The following VPS26A variants were observed in gnomAD, a reference collection of about 807,000 sequenced individuals.
VPS26A encodes VPS26 retromer complex component A.
A neutral mutation model predicts 42.4 loss-of-function variants in VPS26A; 22 were observed. The ratio of observed to expected loss-of-function variants is 0.52; its 90% confidence interval spans 0.37 to 0.74. The LOEUF is 0.74. Ranked by LOEUF, VPS26A falls within the 30% of genes least tolerant of loss-of-function variation. The probability of loss-of-function intolerance (pLI) is 0.00; values close to 1 mark genes in which losing one functional copy is unlikely to be tolerated. For missense variants in VPS26A, 276 were observed against 379.2 expected, an observed-to-expected ratio of 0.73 and a Z score of 2.26; for synonymous variants, 110 against 123.5, an observed-to-expected ratio of 0.89 and a Z score of 0.73.
chr10:69,173,956 T>C lies in VPS26A; in HGVS notation c.*2687T>C, dbSNP rs1841876007. 6.6e-6 allele frequency among the ~76,000 whole-genome samples: 1 copy of C among 152,136 alleles called. No individual in the cohort carries two copies. The highest frequency in any genetic ancestry group is 6.5e-5 in the Admixed American group (1 of 15,286). ...TTGCAGTGAGCCGAGATCACACCAA[T>C]GCACTCCAGCCTGGCTAGAAGTTTG... On this transcript the variant is annotated 3_prime_UTR_variant, in exon 9 of 9. Transcript: ENST00000263559.
chr10:69,152,662 T>C (rs957461936), intron 2 of VPS26A, among the ~76,000 whole-genome samples: 4 of 152,186 alleles, frequency 2.6e-5, no homozygotes, highest in African/African-American at 9.7e-5. Context: ...AAAGTTACAT[T>C]ACCAGCATTT....
intron 1 of VPS26A, among the ~76,000 whole-genome samples, chr10:69,131,272 G>A (rs1840772241): frequency 6.6e-6 from 1 of 152,126 alleles, no homozygotes; most frequent in Non-Finnish European, 1.5e-5. Context: ...GAGCCAGCGC[G>A]CCCAGCCAGA....
At chr10:69,133,579 T>C in intron 2 of VPS26A, 1 of 1,289,732 alleles carries the variant, frequency 7.8e-7, no homozygotes, top group South Asian at 1.2e-5. Flanking sequence ...CTATGCATGG[T>C]CAGATATGTT....
At chr10:69,159,816 C>A (rs1841513085) in intron 5 of VPS26A, among the ~76,000 whole-genome samples, 1 of 152,026 alleles carries the variant, frequency 6.6e-6, no homozygotes, top group South Asian at 2.1e-4. Context: ...ATACTTTGTT[C>A]AAATCAATAT....
At position 69,151,272 on chromosome 10, in the gene VPS26A, A is replaced by AAAAAAAAAACAAAAC. The variant is rs1554854493; in HGVS notation, c.154-4531_154-4530insCAAAACAAAAAAAAA. 2.3e-3 allele frequency among the ~76,000 whole-genome samples: 187 copies of AAAAAAAAAACAAAAC among 81,652 alleles called. 7 individuals carry two copies. The highest frequency in any genetic ancestry group is 0.013 in the Middle Eastern group (2 of 158). 53.6% of individuals were successfully genotyped at this position (81,652 alleles called of 152,430 possible). The stretch of plus-strand genomic sequence containing the variant: ...AGAGTGAGACTCCATGTCAAAAAAA[A>AAAAAAAAAACAAAAC]AAAAAAAAAAACACACACACACACA... On this transcript the variant is annotated intron_variant, in intron 2 of 8. Transcript: ENST00000263559.
rs34136399 is a variant in VPS26A at position 69,148,754 on chromosome 10, AT to A, written c.154-7039del. 6.6e-3 allele frequency among the ~76,000 whole-genome samples: 887 copies of A among 133,728 alleles called. 5 individuals are homozygous for A. The highest frequency in any genetic ancestry group is 0.012 in the African/African-American group (418 of 35,654). 87.7% of individuals were successfully genotyped at this position (133,728 alleles called of 152,430 possible). Reference sequence around the variant, plus strand: ...AGACTCATTTGTTGGAGCAGAGAGTATTTTTTTTTTTTTTTTTTTGAGACGG... The same window carrying A: ...AGACTCATTTGTTGGAGCAGAGAGTATTTTTTTTTTTTTTTTTTGAGACGG... On this transcript the variant is annotated intron_variant, in intron 2 of 8. Coordinates refer to ENST00000263559, the MANE Select transcript of VPS26A (RefSeq NM_004896.5).
chr10:69,164,947 G>T (rs10823307), intron 6 of VPS26A, among the ~76,000 whole-genome samples: 1 of 145,442 alleles, frequency 6.9e-6, no homozygotes, highest in Non-Finnish European at 1.5e-5. Flanking sequence ...TTTTTTTTTG[G>T]AGACGGCGTC....
In VPS26A at chr10:69,133,466, T is replaced by G. The variant is rs574131357; in HGVS notation, c.153+419T>G. ...TCTCTGGTATAACTTTCTAAAGGTT[T>G]TTTTACATTCTTTGTAACTTACCTC... On this transcript the variant is annotated intron_variant, in intron 2 of 8. Transcript: ENST00000263559. The G allele has an allele frequency of 7.8e-4, 763 of 972,926 alleles. 2 individuals are homozygous for G. Among genetic ancestry groups the G allele is most frequent in the South Asian group, 4.3e-3 (266 of 62,122 alleles). The allele number at this position is 972,926 out of a possible 1,614,324, so 60.3% of individuals were successfully genotyped here.
At position 69,133,140 on chromosome 10, in the gene VPS26A, T is replaced by C. The variant is rs943079250; in HGVS notation, c.153+93T>C. 3.0e-6 allele frequency: 4 copies of C among 1,320,108 alleles called. No homozygotes were observed. The African/African-American group carries it at 4.7e-5, about 15-fold the overall frequency. The allele number at this position is 1,320,108 out of a possible 1,614,324, so 81.8% of individuals were successfully genotyped here. ...GCTGTTTCTTAAATTTGAATAATTTTATGAGGGAGAGAGATTTTTTTTTCC... is the reference window on the plus strand; with the variant it reads ...GCTGTTTCTTAAATTTGAATAATTTCATGAGGGAGAGAGATTTTTTTTTCC... On this transcript the variant is annotated intron_variant, in intron 2 of 8. Transcript: ENST00000263559.
chr10:69,154,233 C>A (rs1439940454), intron 2 of VPS26A, among the ~76,000 whole-genome samples: 1 of 152,184 alleles, frequency 6.6e-6, no homozygotes, highest in East Asian at 1.9e-4. Context: ...TGTAGCCAAA[C>A]AATAGAATTC....
At chr10:69,153,533 A>G (rs1841367585) in intron 2 of VPS26A, among the ~76,000 whole-genome samples, 2 of 142,252 alleles carry the variant, frequency 1.4e-5, no homozygotes, top group South Asian at 2.2e-4. Context: ...TTTTTTTAGT[A>G]GAGACGGAGC....
chr10:69,135,818 T>C (rs1228770091), intron 2 of VPS26A, among the ~76,000 whole-genome samples: 2 of 152,148 alleles, frequency 1.3e-5, no homozygotes, highest in Non-Finnish European at 2.9e-5. Flanking sequence ...AAATAAATTA[T>C]TATAAGGCAT....
chr10:69,171,504 C>A lies in VPS26A; in HGVS notation c.*235C>A. ...AAACACTGGAACTTTGTTAAGCTGC[C>A]TTTTTTTTTTTAACTTCCTACTTTG... On this transcript the variant is annotated 3_prime_UTR_variant, in exon 9 of 9. Transcript: ENST00000263559. The A allele has an allele frequency of 6.9e-6, 2 of 289,516 alleles. No individual in the cohort carries two copies. Among genetic ancestry groups the A allele is most frequent in the Non-Finnish European group, 1.2e-5 (2 of 160,080 alleles). 17.9% of individuals were successfully genotyped at this position (289,516 alleles called of 1,614,324 possible).
At chr10:69,150,934 A>G (rs1303213024) in intron 2 of VPS26A, among the ~76,000 whole-genome samples, 1 of 152,044 alleles carries the variant, frequency 6.6e-6, no homozygotes, top group Admixed American at 6.6e-5. Flanking sequence ...TTGAATTATA[A>G]TAAGAAGTTA....
chr10:69,152,250 A>G (rs986123807), intron 2 of VPS26A, among the ~76,000 whole-genome samples: 5 of 152,122 alleles, frequency 3.3e-5, no homozygotes, highest in African/African-American at 7.2e-5. Context: ...GAAGGAAACA[A>G]TTACCCATAA....
intron 2 of VPS26A, among the ~76,000 whole-genome samples, chr10:69,137,162 AATAACTTAT>A (rs1482420712): frequency 1.3e-5 from 2 of 152,208 alleles, no homozygotes; most frequent in African/African-American, 4.8e-5. Flanking sequence ...TTTATTTCTC[AATAACTTAT>A]ATAAACTCAT....
chr10:69,136,782 G>GTTAT lies in VPS26A; in HGVS notation c.153+3758_153+3761dup, dbSNP rs373863330. ...CCTTTTTCCTTTTTTGGCCTGTTTT[G>GTTAT]TTATTTATTTATTTATTTATTTATT... On this transcript the variant is annotated intron_variant, in intron 2 of 8. Transcript: ENST00000263559. Among the ~76,000 whole-genome samples, 787 of 151,346 alleles carry GTTAT rather than the reference G, an allele frequency of 5.2e-3. 5 individuals are homozygous for GTTAT. The highest frequency in any genetic ancestry group is 0.016 in the African/African-American group (671 of 41,024).
chr10:69,145,043 A>G (rs1205075684), intron 2 of VPS26A, among the ~76,000 whole-genome samples: 1 of 151,676 alleles, frequency 6.6e-6, no homozygotes, highest in Non-Finnish European at 1.5e-5. Flanking sequence ...TAATTAATTA[A>G]TTTATTTTTG....
chr10:69,145,639 C>G (rs555786835), intron 2 of VPS26A, among the ~76,000 whole-genome samples: 2 of 152,066 alleles, frequency 1.3e-5, no homozygotes, highest in African/African-American at 4.8e-5. Flanking sequence ...AATATACCAC[C>G]TTTGTCATAA....
Sources: allele counts gnomAD v4.1 joint callset (sites outside exome capture counted in the v4.1 genomes callset), GRCh38; gene constraint gnomAD v4.1.1; transcripts MANE v1.5; gene names NCBI Gene and HGNC (gene_info 2026-07-23, HGNC 2026-07-21).